Variants in RELCH observed in about 807,000 individuals in gnomAD.
RELCH encodes RAB11-binding protein RELCH.
In RELCH, 41 loss-of-function variants were observed where a neutral mutation model predicts 150.3. The ratio of observed to expected loss-of-function variants is 0.27; its 90% CI spans 0.21 to 0.35. The LOEUF (loss-of-function observed/expected upper bound fraction) is 0.35, where lower values mean the gene tolerates loss of function less well. Among genes scored for constraint, RELCH ranks in the 10% least tolerant of loss-of-function variants. The pLI is 1.00. For synonymous variants in RELCH, 478 were observed against 531.8 expected, an observed-to-expected ratio of 0.90 and a Z score of 1.39; for missense variants, 1,092 against 1,467.8, an observed-to-expected ratio of 0.74 and a Z score of 4.18.
At chr18:62,202,486 A>G (rs2039516725) in intron 1 of RELCH, among the ~76,000 whole-genome samples, 1 of 152,206 alleles carries the variant, frequency 6.6e-6, no homozygotes, top group African/African-American at 2.4e-5. Context: ...CTTTTGTGAC[A>G]TCATATTTAT....
chr18:62,283,730 G>C (rs1356476537), intron 25 of RELCH, among the ~76,000 whole-genome samples: 1 of 152,160 alleles, frequency 6.6e-6, no homozygotes, highest in Non-Finnish European at 1.5e-5. Context: ...TCCACATGTT[G>C]CAGTGTCAAA....
intron 25 of RELCH, among the ~76,000 whole-genome samples, chr18:62,284,064 C>G (rs2044664249): frequency 6.6e-6 from 1 of 152,132 alleles, no homozygotes; most frequent in Non-Finnish European, 1.5e-5. Context: ...TGGGAAGAAT[C>G]CATCTGGATT....
intron 5 of RELCH, among the ~76,000 whole-genome samples, chr18:62,226,173 A>T (rs80324980): frequency 0.017 from 2,604 of 152,156 alleles, 88 homozygotes; most frequent in East Asian, 0.13. Flanking sequence ...TAATCTATCA[A>T]ATTAGTACTA....
chr18:62,229,485 GGTGTGTGTGTGTGTGT>G (rs58842870), intron 8 of RELCH, among the ~76,000 whole-genome samples: 1 of 143,322 alleles, frequency 7.0e-6, no homozygotes, highest in African/African-American at 2.6e-5. Flanking sequence ...GTATAGTAGG[GGTGTGTGTGTGTGTGT>G]GTGTGTGTGT....
rs568940190 is a variant in RELCH, at chr18:62,264,782, G to T, written c.2561G>T (p.Cys854Phe). Residue 854 changes from cysteine (C) to phenylalanine (F), a missense_variant, in exon 18 of 29, where the codon TGT becomes TTT. Cys to Phe is a radical substitution (Grantham distance 205, BLOSUM62 -2). Transcript: ENST00000644646. ...VGKINVTSTA[C>F]VHEFSRFFWR... is the part of the protein sequence containing the mutation. ...AAAATTAATGTTACTTCAACTGCCT[G>T]TGTCCATGAATTCTCCAGATTTTTC... The T allele has an allele frequency of 8.3e-5, 133 of 1,607,868 alleles. No homozygotes were observed. In the East Asian group the frequency reaches 1.9e-3, roughly 23 times the overall value.
intron 25 of RELCH, among the ~76,000 whole-genome samples, chr18:62,282,846 C>T (rs1186552640): frequency 2.6e-5 from 4 of 152,060 alleles, no homozygotes; most frequent in East Asian, 1.9e-4. Context: ...TTCGTAGAGA[C>T]GGGGTTTTGC....
rs542072485 is a variant in RELCH, at chr18:62,307,978, T to A, written c.*2444T>A. 6.6e-6 allele frequency: 1 copy of A among 152,328 alleles called. No individual in the cohort carries two copies. The highest frequency in any genetic ancestry group is 1.9e-4 in the East Asian group (1 of 5,186). 9.4% of individuals were successfully genotyped at this position (152,328 alleles called of 1,614,324 possible). The stretch of plus-strand genomic sequence containing the variant: ...AGAGATTATTTTGCTAAACATCAAA[T>A]TGATTTTCAACCTGAACGAAATTGT... On this transcript the variant is annotated 3_prime_UTR_variant, in exon 29 of 29. Transcript: ENST00000644646.
At chr18:62,291,675 C>G (rs1334335124) in intron 27 of RELCH, 44 bp downstream of exon 27, 2 of 1,253,756 alleles carry the variant, frequency 1.6e-6, no homozygotes, top group Non-Finnish European at 2.3e-6. Context: ...GTTTTAATAC[C>G]TCATATATAG....
At chr18:62,219,090 G>T (rs1172753092) in intron 2 of RELCH, among the ~76,000 whole-genome samples, 1 of 151,826 alleles carries the variant, frequency 6.6e-6, no homozygotes, top group Non-Finnish European at 1.5e-5. Context: ...ATGCAGCAGA[G>T]TGAATTCATA....
At chr18:62,233,721 A>G (rs2148444765) in intron 10 of RELCH, among the ~76,000 whole-genome samples, 1 of 152,012 alleles carries the variant, frequency 6.6e-6, no homozygotes, top group East Asian at 1.9e-4. Context: ...TAATGCATTA[A>G]TGTTTGCATC....
chr18:62,258,813 G>A lies in RELCH; in HGVS notation c.2202+137G>A, dbSNP rs868106102. The A allele has an allele frequency of 1.7e-5, 9 of 544,832 alleles. No homozygotes were observed. The Middle Eastern group carries it at 1.4e-3, about 87-fold the overall frequency. The allele number at this position is 544,832 out of a possible 1,614,324, so 33.7% of individuals were successfully genotyped here. The stretch of plus-strand genomic sequence containing the variant: ...TAATACATTACCAGTTAAAGATGCT[G>A]TTGGACTGGAGCCAAGAAAGAGATT... On this transcript the variant is annotated intron_variant, in intron 15 of 28. Transcript: ENST00000644646.
chr18:62,206,538 A>G (rs559337519), intron 1 of RELCH, among the ~76,000 whole-genome samples: 5 of 152,328 alleles, frequency 3.3e-5, no homozygotes, highest in Non-Finnish European at 1.5e-5. Flanking sequence ...TATAACTTCC[A>G]TTCATTTGTC....
At chr18:62,225,791 T>C (rs1390947837) in intron 5 of RELCH, among the ~76,000 whole-genome samples, 1 of 151,860 alleles carries the variant, frequency 6.6e-6, no homozygotes, top group Non-Finnish European at 1.5e-5. Context: ...GTAATGTTCA[T>C]TTAATAAGTT....
chr18:62,288,874 G>A (rs2044959787), intron 26 of RELCH, among the ~76,000 whole-genome samples: 1 of 152,134 alleles, frequency 6.6e-6, no homozygotes, highest in African/African-American at 2.4e-5. Context: ...GAAAGCAACA[G>A]TGGTGCATCG....
chr18:62,275,770 G>A (rs2044176248), intron 22 of RELCH, among the ~76,000 whole-genome samples: 1 of 151,840 alleles, frequency 6.6e-6, no homozygotes, highest in Non-Finnish European at 1.5e-5. Flanking sequence ...AACTCTTTCT[G>A]ACTATACTTT....
At chr18:62,286,073 C>A (rs2044775402) in intron 25 of RELCH, 1 of 152,114 alleles carries the variant, frequency 6.6e-6, no homozygotes, top group Non-Finnish European at 1.5e-5. Flanking sequence ...GGATATTATG[C>A]AGTGTGATTG....
At chr18:62,223,725 C>T (rs1438401464) in intron 5 of RELCH, among the ~76,000 whole-genome samples, 4 of 152,014 alleles carry the variant, frequency 2.6e-5, no homozygotes, top group Non-Finnish European at 5.9e-5. Context: ...AAGGACAATT[C>T]ATTATGACCA....
chr18:62,260,581 T>C (rs1049988889), intron 15 of RELCH, among the ~76,000 whole-genome samples: 3 of 151,964 alleles, frequency 2.0e-5, no homozygotes, highest in Non-Finnish European at 4.4e-5. Flanking sequence ...AAAAGATATA[T>C]ACTTTCAAGG....
intron 1 of RELCH, among the ~76,000 whole-genome samples, chr18:62,204,182 ATTAT>A (rs573507064): frequency 1.1e-3 from 175 of 152,212 alleles, no homozygotes; most frequent in Non-Finnish European, 2.0e-3. Flanking sequence ...TTATTTTATA[ATTAT>A]TTATAGTACT....
Sources: allele counts gnomAD v4.1 joint callset (sites outside exome capture counted in the v4.1 genomes callset), GRCh38; gene constraint gnomAD v4.1.1; transcripts MANE v1.5; gene names NCBI Gene and HGNC (gene_info 2026-07-23, HGNC 2026-07-21).